The following PIP4K2A variants were observed in gnomAD, a reference collection of about 807,000 sequenced individuals.
The protein encoded by PIP4K2A is phosphatidylinositol-5-phosphate 4-kinase type 2 alpha, also known as phosphatidylinositol 5-phosphate 4-kinase type-2 alpha.
In PIP4K2A, 14 loss-of-function variants were observed where a neutral mutation model predicts 42.9. The observed-to-expected ratio is 0.33, with a 90% confidence interval of 0.22 to 0.51. PIP4K2A has a LOEUF of 0.51. Ranked by LOEUF, PIP4K2A falls within the 20% of genes least tolerant of loss-of-function variation. The pLI is 0.97. For missense variants in PIP4K2A, 434 were observed against 519.8 expected, an observed-to-expected ratio of 0.83 and a Z score of 1.61; for synonymous variants, 192 against 192.2, an observed-to-expected ratio of 1.00 and a Z score of 0.01.
chr10:22,635,728 A>G (rs1344824319), intron 1 of PIP4K2A, among the ~76,000 whole-genome samples: 1 of 152,222 alleles, frequency 6.6e-6, no homozygotes, highest in African/African-American at 2.4e-5. Flanking sequence ...GGACCCTCTA[A>G]GGAGCTCAGT....
rs1471238006 is a variant in PIP4K2A, at chr10:22,664,250, CAT to C, written c.144+49931_144+49932del. 2.9e-3 allele frequency among the ~76,000 whole-genome samples: 378 copies of C among 129,318 alleles called. 15 individuals are homozygous for C. Among genetic ancestry groups the C allele is most frequent in the African/African-American group, 9.9e-3 (332 of 33,390 alleles). The allele number at this position is 129,318 out of a possible 152,430, so 84.8% of individuals were successfully genotyped here. A position where few individuals can be genotyped will look rare whatever the true frequency, so the allele number is the denominator to read the frequency against. ...ATATACACACACACACACACACACA[CAT>C]ATATATATACACACACATACACACA... On this transcript the variant is annotated intron_variant, in intron 1 of 9. Coordinates refer to ENST00000376573, the MANE Select transcript of PIP4K2A (RefSeq NM_005028.5).
At chr10:22,630,271 T>C (rs1488188745) in intron 1 of PIP4K2A, among the ~76,000 whole-genome samples, 2 of 152,124 alleles carry the variant, frequency 1.3e-5, no homozygotes, top group East Asian at 1.9e-4. Flanking sequence ...TTGTTTGATA[T>C]GAAGCTGGTA....
chr10:22,664,218 CAT>C (rs71395811), intron 1 of PIP4K2A, among the ~76,000 whole-genome samples: 1,440 of 26,098 alleles, frequency 0.055, 69 homozygotes, highest in Admixed American at 0.12. Flanking sequence ...TATATATATA[CAT>C]ATATATATAC....
At chr10:22,645,878 AT>A (rs2130801704) in intron 1 of PIP4K2A, among the ~76,000 whole-genome samples, 2 of 151,832 alleles carry the variant, frequency 1.3e-5, no homozygotes, top group African/African-American at 4.8e-5. Context: ...CTACTTATTT[AT>A]TTGTATTAAT....
intron 1 of PIP4K2A, among the ~76,000 whole-genome samples, chr10:22,657,040 G>C (rs924303900): frequency 6.6e-6 from 1 of 152,172 alleles, no homozygotes; most frequent in Non-Finnish European, 1.5e-5. Context: ...ACGGGGCCAA[G>C]AGCAGTGTTC....
At chr10:22,668,037 C>T (rs1427412906) in intron 1 of PIP4K2A, among the ~76,000 whole-genome samples, 1 of 151,938 alleles carries the variant, frequency 6.6e-6, no homozygotes, top group Non-Finnish European at 1.5e-5. Flanking sequence ...CTGCAACCTC[C>T]GCCTCCCAGG....
At chr10:22,566,318 G>T (rs1836846391) in intron 6 of PIP4K2A, among the ~76,000 whole-genome samples, 2 of 152,066 alleles carry the variant, frequency 1.3e-5, no homozygotes, top group African/African-American at 2.4e-5. Context: ...AAACAGAAAA[G>T]AACCTATGTG....
At chr10:22,539,105 A>C (rs181251154) in intron 9 of PIP4K2A, among the ~76,000 whole-genome samples, 37 of 152,262 alleles carry the variant, frequency 2.4e-4, no homozygotes, top group African/African-American at 8.2e-4. Flanking sequence ...CTGCAATACA[A>C]GCCTGAAACT....
At chr10:22,544,315 G>A (rs923412490) in intron 7 of PIP4K2A, among the ~76,000 whole-genome samples, 1 of 150,114 alleles carries the variant, frequency 6.7e-6, no homozygotes, top group African/African-American at 2.5e-5. Flanking sequence ...TGCTTGAGGG[G>A]TATGGTGGGG....
intron 1 of PIP4K2A, among the ~76,000 whole-genome samples, chr10:22,629,065 T>TA (rs1035953378): frequency 9.2e-5 from 14 of 152,172 alleles, no homozygotes; most frequent in East Asian, 3.8e-4. Flanking sequence ...CTCTCCTTGC[T>TA]AAAAAAATCC....
chr10:22,608,382 G>A (rs1413843816), intron 2 of PIP4K2A, among the ~76,000 whole-genome samples: 4 of 152,138 alleles, frequency 2.6e-5, no homozygotes, highest in Non-Finnish European at 4.4e-5. Context: ...AAGAGGCAGC[G>A]GAGCAAGGTT....
intron 1 of PIP4K2A, among the ~76,000 whole-genome samples, chr10:22,691,354 C>T (rs980827032): frequency 4.6e-5 from 7 of 152,154 alleles, no homozygotes; most frequent in Admixed American, 6.5e-5. Context: ...CAGACCTATA[C>T]ATGACAGAGC....
chr10:22,657,892 GT>G (rs11340710), intron 1 of PIP4K2A, among the ~76,000 whole-genome samples: 2,576 of 151,942 alleles, frequency 0.017, 93 homozygotes, highest in African/African-American at 0.059. Flanking sequence ...AAATCTAGTA[GT>G]TTTTTTTCTG....
At chr10:22,641,062 A>G (rs1838774680) in intron 1 of PIP4K2A, among the ~76,000 whole-genome samples, 1 of 152,242 alleles carries the variant, frequency 6.6e-6, no homozygotes. Flanking sequence ...ATGCTTGTGT[A>G]GCAGCAGTAT....
At chr10:22,705,426 T>A (rs554910984) in intron 1 of PIP4K2A, among the ~76,000 whole-genome samples, 1,693 of 29,258 alleles carry the variant, frequency 0.058, 27 homozygotes, top group Middle Eastern at 0.19. Flanking sequence ...GTACCCCAGT[T>A]AAAAAAAAAA....
At chr10:22,617,001 A>C (rs572418465) in intron 1 of PIP4K2A, among the ~76,000 whole-genome samples, 1 of 152,378 alleles carries the variant, frequency 6.6e-6, no homozygotes, top group African/African-American at 2.4e-5. Flanking sequence ...CCTTCATGAA[A>C]AATATAATTA....
intron 4 of PIP4K2A, among the ~76,000 whole-genome samples, chr10:22,589,591 C>T (rs1211841653): frequency 1.3e-5 from 2 of 152,176 alleles, no homozygotes; most frequent in Non-Finnish European, 2.9e-5. Context: ...AAGCAAAATG[C>T]AATTGATCAT....
At chr10:22,567,813 C>T (rs764774374) in intron 6 of PIP4K2A, 38 bp downstream of exon 6, 13 of 1,544,216 alleles carry the variant, frequency 8.4e-6, no homozygotes, top group Non-Finnish European at 1.2e-5. Context: ...TGTGATCATG[C>T]CCCCAGGACA....
chr10:22,537,318 G>A (rs1284858891), intron 9 of PIP4K2A, 37 bp from the exon 10 acceptor site: 12 of 1,477,658 alleles, frequency 8.1e-6, no homozygotes, highest in Non-Finnish European at 1.1e-5. Flanking sequence ...TTGACATAGT[G>A]TTTATGATTT....
Sources: allele counts gnomAD v4.1 joint callset (sites outside exome capture counted in the v4.1 genomes callset), GRCh38; gene constraint gnomAD v4.1.1; transcripts MANE v1.5; gene names NCBI Gene and HGNC (gene_info 2026-07-23, HGNC 2026-07-21).